The following ZNF804B variants were observed in gnomAD, a reference collection of about 807,000 sequenced individuals.
ZNF804B encodes the protein zinc finger 804B.
A neutral mutation model predicts 101.4 loss-of-function variants in ZNF804B; 80 were observed. The ratio of observed to expected loss-of-function variants is 0.79; its 90% CI spans 0.66 to 0.95. The LOEUF is 0.95. ZNF804B is among the 40% of genes least tolerant of loss of function. ZNF804B has a pLI of 0.00. For synonymous variants in ZNF804B, 622 were observed against 558.8 expected (o/e 1.11, Z -1.59); for missense variants, 1,673 against 1,561.9 (o/e 1.07, Z -1.20).
At chr7:89,302,830 T>C (rs1300285460) in intron 2 of ZNF804B, among the ~76,000 whole-genome samples, 6 of 151,952 alleles carry the variant, frequency 3.9e-5, no homozygotes, top group African/African-American at 1.4e-4. Flanking sequence ...CATCTTCATC[T>C]AGGTCAGTGC....
chr7:88,951,472 G>GCACGCA (rs1024098826), intron 1 of ZNF804B, among the ~76,000 whole-genome samples: 19 of 151,592 alleles, frequency 1.3e-4, no homozygotes, highest in South Asian at 2.1e-4. Flanking sequence ...GTGCGCACGC[G>GCACGCA]CACGCACATA....
chr7:89,253,082 TTAAA>T (rs1789567107), intron 2 of ZNF804B, among the ~76,000 whole-genome samples: 1 of 152,060 alleles, frequency 6.6e-6, no homozygotes, highest in South Asian at 2.1e-4. Context: ...AAATCTATAA[TTAAA>T]TAAATATGAA....
At chr7:88,914,116 A>C (rs1163053481) in intron 1 of ZNF804B, among the ~76,000 whole-genome samples, 2 of 152,200 alleles carry the variant, frequency 1.3e-5, no homozygotes, top group Non-Finnish European at 2.9e-5. Context: ...TGCTCTGCTT[A>C]TCTATCCCTT....
chr7:88,773,395 C>T (rs914517146), intron 1 of ZNF804B, among the ~76,000 whole-genome samples: 2 of 117,238 alleles, frequency 1.7e-5, no homozygotes, highest in African/African-American at 9.3e-5. Context: ...ACTGGGGAGT[C>T]CAAGTCATTC....
At chr7:89,263,932 G>A (rs1053410290) in intron 2 of ZNF804B, among the ~76,000 whole-genome samples, 2 of 152,130 alleles carry the variant, frequency 1.3e-5, no homozygotes, top group African/African-American at 4.8e-5. Context: ...AACCAAGTTT[G>A]TGGTAATTTT....
In ZNF804B at chr7:88,881,171, T is replaced by TA. The variant is rs1792023662; in HGVS notation, c.108+121092dup. Among the ~76,000 whole-genome samples the TA allele has an allele frequency of 2.6e-5, 4 of 152,242 alleles. No individual in the cohort carries two copies. The South Asian group carries it at 8.3e-4, about 32-fold the overall frequency. On this transcript the variant is annotated intron_variant, in intron 1 of 3. Coordinates refer to ENST00000333190, the MANE Select transcript of ZNF804B (RefSeq NM_181646.5). ...TTCTTAATGGACTATAGGTTATTTA[T>TA]AAAAATAAATGAATGGATTGCATTT...
At chr7:89,022,060 T>C (rs1170967889) in intron 1 of ZNF804B, among the ~76,000 whole-genome samples, 2 of 152,106 alleles carry the variant, frequency 1.3e-5, no homozygotes, top group African/African-American at 4.8e-5. Context: ...ACTTACTTTT[T>C]TTTCCACGAG....
intron 2 of ZNF804B, among the ~76,000 whole-genome samples, chr7:89,292,924 C>T (rs1015731008): frequency 4.6e-5 from 7 of 151,854 alleles, no homozygotes; most frequent in African/African-American, 9.7e-5. Context: ...GGACCCCACA[C>T]TTAAAACTAT....
chr7:89,215,016 T>C (rs374665960), intron 1 of ZNF804B, among the ~76,000 whole-genome samples: 1 of 152,164 alleles, frequency 6.6e-6, no homozygotes, highest in African/African-American at 2.4e-5. Context: ...ATAATAGAGA[T>C]TTCTATCCTT....
intron 1 of ZNF804B, among the ~76,000 whole-genome samples, chr7:89,118,170 T>G (rs192036059): frequency 6.6e-6 from 1 of 152,294 alleles, no homozygotes; most frequent in East Asian, 1.9e-4. Context: ...TATGCTAAAC[T>G]CATAATCTTA....
At chr7:89,223,328 T>C (rs1789034087) in intron 2 of ZNF804B, among the ~76,000 whole-genome samples, 1 of 151,900 alleles carries the variant, frequency 6.6e-6, no homozygotes, top group Admixed American at 6.6e-5. Context: ...CGAAATAATC[T>C]ATGAATACTC....
intron 1 of ZNF804B, among the ~76,000 whole-genome samples, chr7:89,158,634 C>T (rs138272769): frequency 1.3e-5 from 2 of 152,170 alleles, no homozygotes; most frequent in South Asian, 2.1e-4. Context: ...TAGTTTTTCT[C>T]GATGAATTAT....
intron 1 of ZNF804B, among the ~76,000 whole-genome samples, chr7:88,948,291 A>G (rs1185156776): frequency 6.8e-6 from 1 of 146,768 alleles, no homozygotes; most frequent in African/African-American, 2.5e-5. Flanking sequence ...ACCTTCGTGT[A>G]CTAGCCACCC....
chr7:89,006,883 A>G (rs1183606219), intron 1 of ZNF804B, among the ~76,000 whole-genome samples: 2 of 152,082 alleles, frequency 1.3e-5, no homozygotes, highest in Non-Finnish European at 1.5e-5. Context: ...CAGGCCATTG[A>G]GCACTTCTTT....
chr7:88,876,046 C>T (rs1362384490), intron 1 of ZNF804B, among the ~76,000 whole-genome samples: 2 of 152,072 alleles, frequency 1.3e-5, no homozygotes, highest in African/African-American at 2.4e-5. Context: ...ATAAACAGAA[C>T]CAAAGACAAA....
At chr7:88,813,573 A>AT (rs1449605909) in intron 1 of ZNF804B, among the ~76,000 whole-genome samples, 7 of 152,130 alleles carry the variant, frequency 4.6e-5, no homozygotes, top group Non-Finnish European at 7.4e-5. Flanking sequence ...TGTTTTTGAT[A>AT]TAAACTCTTT....
intron 1 of ZNF804B, among the ~76,000 whole-genome samples, chr7:88,965,196 C>T: frequency 6.6e-6 from 1 of 151,408 alleles, no homozygotes; most frequent in East Asian, 2.0e-4. Context: ...TTCACCTTGA[C>T]TTAGTACCTT....
intron 1 of ZNF804B, among the ~76,000 whole-genome samples, chr7:89,016,402 A>G (rs1033294113): frequency 6.1e-4 from 91 of 150,240 alleles, no homozygotes; most frequent in Non-Finnish European, 9.1e-4. Context: ...TTAGACATGA[A>G]GTCCTTGCCC....
At chr7:88,807,792 T>G (rs1790715159) in intron 1 of ZNF804B, among the ~76,000 whole-genome samples, 1 of 152,200 alleles carries the variant, frequency 6.6e-6, no homozygotes, top group Non-Finnish European at 1.5e-5. Flanking sequence ...TAATTGTATC[T>G]AAAGTAAAAT....
Sources: allele counts gnomAD v4.1 joint callset (sites outside exome capture counted in the v4.1 genomes callset), GRCh38; gene constraint gnomAD v4.1.1; transcripts MANE v1.5; gene names NCBI Gene and HGNC (gene_info 2026-07-23, HGNC 2026-07-21).